The following KERA variants were observed in gnomAD, a reference collection of about 807,000 sequenced individuals.
The protein encoded by KERA is keratan sulfate proteoglycan keratocan.
A neutral mutation model predicts 26.4 loss-of-function variants in KERA; 25 were observed. That is an observed-to-expected ratio of 0.95 (90% CI 0.69 to 1.32). KERA has a LOEUF of 1.32. KERA is among the 40% of genes most tolerant of loss of function. The pLI, the probability that KERA is intolerant of heterozygous loss-of-function variation, is 0.00. For synonymous variants in KERA, 167 were observed against 146.1 expected (o/e 1.14, Z -1.03); for missense variants, 434 against 408.9 (o/e 1.06, Z -0.53).
chr12:91,056,628 G>A (rs2120964576), intron 1 of KERA, among the ~76,000 whole-genome samples: 1 of 151,320 alleles, frequency 6.6e-6, no homozygotes, highest in Middle Eastern at 3.4e-3. Flanking sequence ...AGTTGAATAT[G>A]AGAGTACAAA....
chr12:91,056,103 T>C lies in KERA; in HGVS notation c.179A>G (p.Asn60Ser), dbSNP rs1169523301. The C allele has an allele frequency of 2.5e-6, 4 of 1,609,890 alleles. No homozygotes were observed. The highest frequency in any genetic ancestry group is 3.4e-6 in the Non-Finnish European group (4 of 1,177,846). Reference protein sequence around the residue: ...PSFPTALYCENRGLKEIPAIP... With the variant: ...PSFPTALYCESRGLKEIPAIP... ...AGCAGGAATTTCTTTGAGACCTCTA[T>C]TTTCACAATATAAAGCAGTAGGAAA... Residue 60 changes from asparagine to serine, a missense_variant, in exon 2 of 3, where the codon AAT (asparagine) becomes AGT (serine). Asn to Ser is a conservative substitution (Grantham distance 46). Transcript: ENST00000266719.
intron 2 of KERA, 63 bp from the exon 3 acceptor site, chr12:91,051,581 C>T (rs1259600838): frequency 2.0e-5 from 24 of 1,201,040 alleles, no homozygotes; most frequent in Non-Finnish European, 2.8e-5. Context: ...AGTGGGAAGA[C>T]CAAAAAACTA....
chr12:91,057,628 T>A (rs572416699), intron 1 of KERA, 116 bp downstream of exon 1: 1 of 150,694 alleles, frequency 6.6e-6, no homozygotes, highest in South Asian at 2.1e-4. Context: ...TCATTTTTTT[T>A]TTTCTTTTTC....
At chr12:91,054,339 C>A (rs577726836) in intron 2 of KERA, among the ~76,000 whole-genome samples, 1 of 151,502 alleles carries the variant, frequency 6.6e-6, no homozygotes, top group African/African-American at 2.4e-5. Context: ...CTTTGTTATT[C>A]TCTTACAAAC....
intron 2 of KERA, among the ~76,000 whole-genome samples, chr12:91,053,497 C>T (rs539706864): frequency 4.6e-5 from 7 of 151,368 alleles, no homozygotes; most frequent in Non-Finnish European, 1.0e-4. Flanking sequence ...AAGTTTCTCG[C>T]AAGGATTAAA....
At position 91,057,793 on chromosome 12, in the gene KERA, TG is replaced by T. The variant is rs1879053570; in HGVS notation, c.-59del. On this transcript the variant is annotated 5_prime_UTR_variant, in exon 1 of 3. Transcript: ENST00000266719. ...GAGTCCTGTGTCTCAGTCTGAGGTTTGCTAAAAATCAGTTAAGAGAAAAAAA... is the reference window on the plus strand; with the variant it reads ...GAGTCCTGTGTCTCAGTCTGAGGTTTCTAAAAATCAGTTAAGAGAAAAAAA... The T allele has an allele frequency of 6.6e-6, 1 of 150,584 alleles. No homozygotes were observed. The highest frequency in any genetic ancestry group is 1.5e-5 in the Non-Finnish European group (1 of 67,334). 9.3% of individuals were successfully genotyped at this position (150,584 alleles called of 1,614,324 possible).
Position 91,050,491 on chromosome 12 carries a change from T to C in KERA, c.*855A>G, listed in dbSNP as rs1878838595. ...TGAAAATAATTTTTACTATAACACA[T>C]TTTTATTAAAACATGTTCTTTAATG... On this transcript the variant is annotated 3_prime_UTR_variant, in exon 3 of 3. Coordinates refer to ENST00000266719, the MANE Select transcript of KERA (RefSeq NM_007035.4). 1 of 151,760 alleles carries C rather than the reference T, an allele frequency of 6.6e-6. No homozygotes were observed. The highest frequency in any genetic ancestry group is 2.1e-4 in the South Asian group (1 of 4,826). The allele number at this position is 151,760 out of a possible 1,614,324, so 9.4% of individuals were successfully genotyped here. A position where few individuals can be genotyped will look rare whatever the true frequency, so the allele number is the denominator to read the frequency against.
chr12:91,053,271 A>G (rs1048720616), intron 2 of KERA, among the ~76,000 whole-genome samples: 10 of 151,374 alleles, frequency 6.6e-5, no homozygotes, highest in African/African-American at 2.4e-4. Flanking sequence ...AAAAGTAAAT[A>G]ACTAGATTTC....
intron 2 of KERA, among the ~76,000 whole-genome samples, chr12:91,054,241 G>T (rs73354195): frequency 6.6e-6 from 1 of 151,372 alleles, no homozygotes; most frequent in Non-Finnish European, 1.5e-5. Context: ...AAAATAGTCT[G>T]TTCCTATAAA....
intron 2 of KERA, among the ~76,000 whole-genome samples, chr12:91,052,648 C>G (rs542089220): frequency 6.6e-6 from 1 of 151,582 alleles, no homozygotes; most frequent in South Asian, 2.1e-4. Flanking sequence ...CAGGCTTTAT[C>G]AGCCAATATT....
rs772607358 is a variant in KERA, at chr12:91,055,357, G to T, written c.886+39C>A. 4.5e-6 allele frequency: 7 copies of T among 1,545,808 alleles called. No homozygotes were observed. The East Asian group carries it at 1.6e-4, about 35-fold the overall frequency. ...AAATAAAGATACATTTAATGACCATGAGCCCTTTAGTCAAAGACATACTCT... is the reference window on the plus strand; with the variant it reads ...AAATAAAGATACATTTAATGACCATTAGCCCTTTAGTCAAAGACATACTCT... On this transcript the variant is annotated intron_variant, in intron 2 of 2. Coordinates refer to ENST00000266719, the MANE Select transcript of KERA (RefSeq NM_007035.4).
rs1378791085 is a variant in KERA at position 91,057,803 on chromosome 12, C to A, written c.-68G>T. ...TCTCAGTCTGAGGTTTGCTAAAAATCAGTTAAGAGAAAAAAAAAAACTTTG... is the reference window on the plus strand; with the variant it reads ...TCTCAGTCTGAGGTTTGCTAAAAATAAGTTAAGAGAAAAAAAAAAACTTTG... On this transcript the variant is annotated 5_prime_UTR_variant, in exon 1 of 3. Transcript: ENST00000266719. 6.7e-6 allele frequency: 1 copy of A among 148,258 alleles called. No individual in the cohort carries two copies. The highest frequency in any genetic ancestry group is 2.5e-5 in the African/African-American group (1 of 39,666). 9.2% of individuals were successfully genotyped at this position (148,258 alleles called of 1,614,324 possible).
rs543094978 is a variant in KERA at position 91,050,697 on chromosome 12, A to G, written c.*649T>C. The G allele has an allele frequency of 2.0e-5, 3 of 152,224 alleles. No individual in the cohort carries two copies. The highest frequency in any genetic ancestry group is 3.9e-4 in the East Asian group (2 of 5,142). 9.4% of individuals were successfully genotyped at this position (152,224 alleles called of 1,614,324 possible). On this transcript the variant is annotated 3_prime_UTR_variant, in exon 3 of 3. Transcript: ENST00000266719. ...ATAATAAACATAAAATTTAGAACTT[A>G]TAAGAATGCAGTGGACTATATCTAA...
chr12:91,053,053 G>A (rs1304966397), intron 2 of KERA, among the ~76,000 whole-genome samples: 1 of 151,350 alleles, frequency 6.6e-6, no homozygotes, highest in Admixed American at 6.6e-5. Flanking sequence ...CAAGTTCACT[G>A]TCTCATAAAT....
chr12:91,051,399 T>C lies in KERA; in HGVS notation c.1006A>G (p.Ile336Val). ...AAGCAGGTCATTAAAGCCATTGGAA[T>C]TGGTGGTTTGATTTCATTTCCATCC... is the stretch of plus-strand genomic sequence containing the variant. ...RLDGNEIKPP[I>V]PMALMTCFRL... The change falls in exon 3 of 3, where the codon ATT becomes GTT. Residue 336 changes from isoleucine to valine, a missense_variant. Coordinates refer to ENST00000266719, the MANE Select transcript of KERA (RefSeq NM_007035.4). 1 of 1,611,336 alleles carries C rather than the reference T, an allele frequency of 6.2e-7. No homozygotes were observed. Among genetic ancestry groups the C allele is most frequent in the Non-Finnish European group, 8.5e-7 (1 of 1,178,144 alleles).
At chr12:91,055,169 G>T (rs1244095012) in intron 2 of KERA, among the ~76,000 whole-genome samples, 1 of 151,090 alleles carries the variant, frequency 6.6e-6, no homozygotes, top group Non-Finnish European at 1.5e-5. Flanking sequence ...CTCTGTAGAT[G>T]ACTCAAGTCC....
chr12:91,053,745 C>T (rs140647861), intron 2 of KERA, among the ~76,000 whole-genome samples: 10 of 151,392 alleles, frequency 6.6e-5, no homozygotes, highest in Non-Finnish European at 8.9e-5. Flanking sequence ...ATACTACACA[C>T]ATAATACTCC....
chr12:91,057,335 AT>A (rs1483389387), intron 1 of KERA, among the ~76,000 whole-genome samples: 7 of 143,808 alleles, frequency 4.9e-5, no homozygotes, highest in Non-Finnish European at 4.6e-5. Context: ...ATACATATAT[AT>A]TTTAATAATT....
intron 2 of KERA, among the ~76,000 whole-genome samples, chr12:91,051,759 T>C (rs1428448751): frequency 6.6e-6 from 1 of 151,620 alleles, no homozygotes; most frequent in Non-Finnish European, 1.5e-5. Flanking sequence ...AGAGCACTAG[T>C]AAGGAAATAC....
Sources: allele counts gnomAD v4.1 joint callset (sites outside exome capture counted in the v4.1 genomes callset), GRCh38; gene constraint gnomAD v4.1.1; transcripts MANE v1.5; gene names NCBI Gene and HGNC (gene_info 2026-07-23, HGNC 2026-07-21).